Variants in FARP1 observed in about 807,000 individuals in gnomAD.
The protein encoded by FARP1 is FERM, ARHGEF and pleckstrin domain-containing protein 1.
A neutral mutation model predicts 128.8 loss-of-function variants in FARP1; 52 were observed. The ratio of observed to expected loss-of-function variants is 0.40; its 90% CI spans 0.32 to 0.51. The LOEUF (loss-of-function observed/expected upper bound fraction) is 0.51. Ranked by LOEUF, FARP1 falls within the 20% of genes least tolerant of loss-of-function variation. The pLI, the probability that FARP1 is intolerant of heterozygous loss-of-function variation, is 0.45. For missense variants in FARP1, 1,333 were observed against 1,367.9 expected (o/e 0.97, Z 0.40); for synonymous variants, 580 against 551.8 (o/e 1.05, Z -0.72).
At chr13:98,386,187 CTTTTTTTTTT>C (rs138218092) in intron 8 of FARP1, among the ~76,000 whole-genome samples, 4 of 93,032 alleles carry the variant, frequency 4.3e-5, no homozygotes, top group Non-Finnish European at 8.4e-5. Flanking sequence ...TAATGTGATC[CTTTTTTTTTT>C]TTTTTTTTTT....
rs116331506 is a variant in FARP1 at position 98,210,948 on chromosome 13, A to T, written c.-23-2272A>T. Among the ~76,000 whole-genome samples the T allele has an allele frequency of 2.9e-3, 435 of 152,184 alleles. 2 individuals carry two copies. Among genetic ancestry groups the T allele is most frequent in the African/African-American group, 9.8e-3 (406 of 41,508 alleles). On this transcript the variant is annotated intron_variant, in intron 1 of 26. Coordinates refer to ENST00000319562, the MANE Select transcript of FARP1 (RefSeq NM_005766.4). ...TTTATAGCATCACCTTTTGATTTCC[A>T]TTGCTGCTGTCCAGATTGGCACTTC...
chr13:98,452,982 A>G lies in FARP1; in HGVS notation c.*4665A>G, dbSNP rs1340774691. On this transcript the variant is annotated 3_prime_UTR_variant, in exon 27 of 27. Transcript: ENST00000319562. The stretch of plus-strand genomic sequence containing the variant: ...TGGAAGGAGCTGACCCTCCCCACCC[A>G]TCTGAGAGACTTCATCTGGCTGCAG... The G allele has an allele frequency of 3.8e-6, 2 of 531,614 alleles. No individual in the cohort carries two copies. Among genetic ancestry groups the G allele is most frequent in the Non-Finnish European group, 6.6e-6 (2 of 303,620 alleles). The allele number at this position is 531,614 out of a possible 1,614,324, so 32.9% of individuals were successfully genotyped here.
chr13:98,294,412 TATA>T (rs1400521581), intron 2 of FARP1, among the ~76,000 whole-genome samples: 1 of 152,236 alleles, frequency 6.6e-6, no homozygotes, highest in Admixed American at 6.5e-5. Flanking sequence ...TAAATACTGT[TATA>T]ATATTTATTT....
At chr13:98,170,945 T>C (rs1877612765) in intron 1 of FARP1, among the ~76,000 whole-genome samples, 1 of 149,982 alleles carries the variant, frequency 6.7e-6, no homozygotes, top group Non-Finnish European at 1.5e-5. Context: ...GGCTTGTCAA[T>C]TGTTGATTTT....
rs1481995810 is a variant in FARP1, at chr13:98,424,431, C to T, written c.1827-141C>T. The T allele has an allele frequency of 4.7e-6, 3 of 643,638 alleles. No individual in the cohort carries two copies. The South Asian group carries it at 5.3e-5, about 11-fold the overall frequency. The allele number at this position is 643,638 out of a possible 1,614,324, so 39.9% of individuals were successfully genotyped here. ...TTTCCAAGTCTCCTTCCAACGATAA[C>T]ATTCCATGACCCCATAAGAAGTTCA... On this transcript the variant is annotated intron_variant, in intron 16 of 26. Coordinates refer to ENST00000319562, the MANE Select transcript of FARP1 (RefSeq NM_005766.4).
At chr13:98,428,065 C>T (rs1375076159) in intron 17 of FARP1, among the ~76,000 whole-genome samples, 3 of 143,838 alleles carry the variant, frequency 2.1e-5, no homozygotes. Flanking sequence ...CGCTCCCACC[C>T]CCGACCCGTG....
chr13:98,176,465 T>C lies in FARP1; in HGVS notation c.-24+32973T>C, dbSNP rs759532026. The C allele has an allele frequency of 3.7e-6, 6 of 1,614,124 alleles. No individual in the cohort carries two copies. Among genetic ancestry groups the C allele is most frequent in the Admixed American group, 1.7e-5 (1 of 60,010 alleles). On this transcript the variant is annotated intron_variant, in intron 1 of 26. Transcript: ENST00000319562. This position sits in a 1 kb window ranked among gnomAD's most constrained non-coding sequence, Gnocchi z 6.2. Reference sequence around the variant, plus strand: ...GGGTTTTGGAAGGCCTGGCGACATATGAAACACCTGAATGGTATTTCCTCT... The same window carrying C: ...GGGTTTTGGAAGGCCTGGCGACATACGAAACACCTGAATGGTATTTCCTCT...
At chr13:98,384,923 AC>A in intron 7 of FARP1, 79 bp downstream of exon 7, 3 of 802,460 alleles carry the variant, frequency 3.7e-6, no homozygotes, top group Non-Finnish European at 6.5e-6. Context: ...ACATCCCTCC[AC>A]CCCCCACACA....
intron 2 of FARP1, among the ~76,000 whole-genome samples, chr13:98,256,955 AT>A (rs1883635397): frequency 1.4e-5 from 1 of 68,990 alleles, no homozygotes; most frequent in Non-Finnish European, 2.6e-5. Context: ...GTGGATATAT[AT>A]ATATATATAT....
In FARP1 at chr13:98,446,819, T is replaced by TAGAC; in HGVS notation, c.3056+4_3056+7dup. ...GGAAAGCGAGTACACGTTCGAAAGG[T>TAGAC]AGACACCCCCTTCCCACGCACAGGG... On this transcript the variant is annotated splice_region_variant and intron_variant, in intron 26 of 26. Transcript: ENST00000319562. 6.2e-7 allele frequency: 1 copy of TAGAC among 1,613,842 alleles called. No individual in the cohort carries two copies. Among genetic ancestry groups the TAGAC allele is most frequent in the Non-Finnish European group, 8.5e-7 (1 of 1,179,942 alleles).
chr13:98,319,709 A>G (rs1390047807), intron 2 of FARP1, among the ~76,000 whole-genome samples: 1 of 152,180 alleles, frequency 6.6e-6, no homozygotes, highest in African/African-American at 2.4e-5. Flanking sequence ...GAGCATGTGG[A>G]TTCTTATTTT....
At position 98,170,514 on chromosome 13, in the gene FARP1, GC is replaced by G. The variant is rs530887502; in HGVS notation, c.-24+27025del. On this transcript the variant is annotated intron_variant, in intron 1 of 26. Transcript: ENST00000319562. The stretch of plus-strand genomic sequence containing the variant: ...TGGGACTACAGGTGTGTGCCACCAC[GC>G]CCGGCTAATTTTTTGTATTTTTAGT... 1.2e-3 allele frequency among the ~76,000 whole-genome samples: 185 copies of G among 152,174 alleles called. 1 individual carries two copies. Among genetic ancestry groups the G allele is most frequent in the Non-Finnish European group, 1.6e-3 (110 of 68,024 alleles).
intron 2 of FARP1, among the ~76,000 whole-genome samples, chr13:98,214,193 G>T (rs568953596): frequency 1.3e-5 from 2 of 152,320 alleles, no homozygotes; most frequent in South Asian, 2.1e-4. Context: ...TCCTCAGATC[G>T]CTCCTGCGGG....
chr13:98,346,448 T>C (rs1888183157), intron 3 of FARP1, among the ~76,000 whole-genome samples: 1 of 151,756 alleles, frequency 6.6e-6, no homozygotes, highest in African/African-American at 2.4e-5. Flanking sequence ...CCTCAATTTT[T>C]AAAAGTTCTT....
intron 2 of FARP1, among the ~76,000 whole-genome samples, chr13:98,259,725 A>G (rs567576509): frequency 4.6e-5 from 7 of 152,120 alleles, no homozygotes; most frequent in Non-Finnish European, 8.8e-5. Context: ...GACTTATTGC[A>G]TGCTTGAGAG....
At position 98,437,747 on chromosome 13, in the gene FARP1, T is replaced by C. The variant is rs1892336775; in HGVS notation, c.2275-1057T>C. The C allele has an allele frequency of 6.3e-6, 8 of 1,265,460 alleles. No individual in the cohort carries two copies. The South Asian group carries it at 9.5e-5, about 15-fold the overall frequency. The allele number at this position is 1,265,460 out of a possible 1,614,324, so 78.4% of individuals were successfully genotyped here. A position where few individuals can be genotyped will look rare whatever the true frequency, so the allele number is the denominator to read the frequency against. On this transcript the variant is annotated intron_variant, in intron 19 of 26. Coordinates refer to ENST00000319562, the MANE Select transcript of FARP1 (RefSeq NM_005766.4). ...TAGCTTCTCCGCTTTGTCTTTTTGCTTTCTCTCGGTCCCACCAGCCTGGCT... is the reference window on the plus strand; with the variant it reads ...TAGCTTCTCCGCTTTGTCTTTTTGCCTTCTCTCGGTCCCACCAGCCTGGCT...
Position 98,174,205 on chromosome 13 carries a change from G to A in FARP1, c.-24+30713G>A, listed in dbSNP as rs117529639. On this transcript the variant is annotated intron_variant, in intron 1 of 26. Transcript: ENST00000319562. The stretch of plus-strand genomic sequence containing the variant: ...AGTGATCGCCTTTCTGCTTAATTTT[G>A]CAAATGATTGATTATGAACCTTATT... Among the ~76,000 whole-genome samples, 93 of 152,276 alleles carry A rather than the reference G, an allele frequency of 6.1e-4. No individual in the cohort carries two copies. In the East Asian group the frequency reaches 0.017, roughly 27 times the overall value.
At chr13:98,447,068 T>C in intron 26 of FARP1, 2 of 476,808 alleles carry the variant, frequency 4.2e-6, no homozygotes, top group South Asian at 5.2e-5. Flanking sequence ...CTTGGAGATC[T>C]CTGACATAAC....
intron 1 of FARP1, among the ~76,000 whole-genome samples, chr13:98,207,681 G>C (rs193102256): frequency 6.6e-6 from 1 of 151,716 alleles, no homozygotes; most frequent in African/African-American, 2.4e-5. Context: ...AAGGGGTGGG[G>C]TGGGGGAGGG....
Sources: gnomAD v4.1 joint callset for allele counts (sites outside exome capture counted in the v4.1 genomes callset) on GRCh38, gnomAD v4.1.1 for gene constraint, Gnocchi (gnomAD v3.1) non-coding constraint, MANE v1.5 for transcripts, NCBI Gene and HGNC (gene_info 2026-07-23, HGNC 2026-07-21) for gene names.